The following GRID2 variants were observed in gnomAD, a reference collection of about 807,000 sequenced individuals.
GRID2 encodes glutamate receptor ionotropic, delta-2.
A neutral mutation model predicts 114.8 loss-of-function variants in GRID2; 33 were observed. That is an observed-to-expected ratio of 0.29 (90% confidence interval 0.22 to 0.38). The LOEUF (loss-of-function observed/expected upper bound fraction) is 0.38. Ranked by LOEUF, GRID2 falls within the 10% of genes least tolerant of loss-of-function variation. GRID2 has a pLI of 1.00. For missense variants in GRID2, 1,184 were observed against 1,257.7 expected (o/e 0.94, Z 0.89); for synonymous variants, 505 against 449.9 (o/e 1.12, Z -1.55).
chr4:93,447,575 T>C (rs1340267791), intron 10 of GRID2, among the ~76,000 whole-genome samples: 1 of 151,938 alleles, frequency 6.6e-6, no homozygotes, highest in African/African-American at 2.4e-5. Context: ...GCATGAATTA[T>C]TATCAAGGAA....
At chr4:92,700,907 T>C (rs1391488428) in intron 2 of GRID2, among the ~76,000 whole-genome samples, 2 of 148,922 alleles carry the variant, frequency 1.3e-5, no homozygotes, top group African/African-American at 2.5e-5. Context: ...GGCAGGAGAA[T>C]GGCGTGAACC....
At chr4:93,379,880 T>A (rs1378976000) in intron 8 of GRID2, among the ~76,000 whole-genome samples, 1 of 152,118 alleles carries the variant, frequency 6.6e-6, no homozygotes, top group African/African-American at 2.4e-5. Flanking sequence ...ACACAAAGCA[T>A]CAATTCTCCC....
Position 92,679,881 on chromosome 4 carries a change from T to C in GRID2, c.244+89595T>C, listed in dbSNP as rs926399390. 3.3e-5 allele frequency among the ~76,000 whole-genome samples: 5 copies of C among 151,800 alleles called. No homozygotes were observed. The East Asian group carries it at 9.7e-4, about 29-fold the overall frequency. On this transcript the variant is annotated intron_variant, in intron 2 of 15. Coordinates refer to ENST00000282020, the MANE Select transcript of GRID2 (RefSeq NM_001510.4). ...TGATTTCTTTCTTCTGATACGTAAT[T>C]GCAAGTGCTAAAACTTCCTAGATGT... is the stretch of plus-strand genomic sequence containing the variant.
chr4:93,595,907 G>A (rs1020270305), intron 13 of GRID2, among the ~76,000 whole-genome samples: 1 of 152,146 alleles, frequency 6.6e-6, no homozygotes, highest in Non-Finnish European at 1.5e-5. Context: ...GGCAGGCACT[G>A]TGCTAGATAT....
intron 2 of GRID2, among the ~76,000 whole-genome samples, chr4:93,043,837 A>G (rs1212855438): frequency 6.6e-6 from 1 of 152,090 alleles, no homozygotes; most frequent in East Asian, 1.9e-4. Flanking sequence ...TGGGTGCAGC[A>G]CACCAACATG....
intron 14 of GRID2, among the ~76,000 whole-genome samples, chr4:93,704,149 C>T (rs1037631281): frequency 6.6e-6 from 1 of 152,150 alleles, no homozygotes; most frequent in Non-Finnish European, 1.5e-5. Flanking sequence ...ACATCCTCTC[C>T]AGCACCTGTT....
intron 1 of GRID2, among the ~76,000 whole-genome samples, chr4:92,523,611 T>G (rs1724892418): frequency 6.6e-6 from 1 of 152,038 alleles, no homozygotes. Context: ...ATTTCAAAAA[T>G]AATATGATCC....
chr4:92,944,018 C>G (rs1416944095), intron 2 of GRID2, among the ~76,000 whole-genome samples: 1 of 152,174 alleles, frequency 6.6e-6, no homozygotes. Context: ...CCCAGTTAGG[C>G]TACTCAGGGG....
At chr4:93,366,801 G>A (rs1366499248) in intron 8 of GRID2, among the ~76,000 whole-genome samples, 1 of 151,928 alleles carries the variant, frequency 6.6e-6, no homozygotes, top group African/African-American at 2.4e-5. Context: ...GACGCTTAAG[G>A]AAAATAGAAA....
intron 2 of GRID2, among the ~76,000 whole-genome samples, chr4:92,859,374 C>T (rs775191948): frequency 1.3e-5 from 2 of 152,080 alleles, no homozygotes; most frequent in Admixed American, 6.5e-5. Context: ...TGTTTATATT[C>T]ACTGGGAAAC....
At chr4:92,701,677 A>G (rs1245019313) in intron 2 of GRID2, among the ~76,000 whole-genome samples, 1 of 152,196 alleles carries the variant, frequency 6.6e-6, no homozygotes, top group African/African-American at 2.4e-5. Context: ...TAAAGAATAA[A>G]AAAAGCCCTC....
At chr4:92,994,511 A>G (rs1034873222) in intron 2 of GRID2, among the ~76,000 whole-genome samples, 5 of 151,980 alleles carry the variant, frequency 3.3e-5, no homozygotes, top group African/African-American at 1.2e-4. Flanking sequence ...TTTAGTAGTG[A>G]TGGGATTTCA....
chr4:93,622,956 A>AT, intron 13 of GRID2, among the ~76,000 whole-genome samples: 1 of 152,264 alleles, frequency 6.6e-6, no homozygotes. Context: ...TCTTTAAAAA[A>AT]TTATATTTAA....
At chr4:92,599,514 T>C (rs752313269) in intron 2 of GRID2, among the ~76,000 whole-genome samples, 54 of 152,306 alleles carry the variant, frequency 3.5e-4, no homozygotes, top group Admixed American at 1.1e-3. Context: ...ATATTAACTT[T>C]AAAAACTCAG....
At chr4:93,180,189 A>G (rs1739753331) in intron 4 of GRID2, among the ~76,000 whole-genome samples, 1 of 152,046 alleles carries the variant, frequency 6.6e-6, no homozygotes, top group Non-Finnish European at 1.5e-5. Flanking sequence ...AAATACAGGC[A>G]TATTTTGGAG....
chr4:93,483,771 T>C (rs1008825340), intron 11 of GRID2, among the ~76,000 whole-genome samples: 30 of 152,086 alleles, frequency 2.0e-4, no homozygotes, highest in Middle Eastern at 3.4e-3. Flanking sequence ...AGAGGGGTCC[T>C]TTGGAAAATA....
chr4:92,829,755 A>T (rs527300167), intron 2 of GRID2, among the ~76,000 whole-genome samples: 1 of 152,176 alleles, frequency 6.6e-6, no homozygotes, highest in Non-Finnish European at 1.5e-5. Flanking sequence ...TGCAGGCATA[A>T]GAAAGAATGA....
intron 1 of GRID2, among the ~76,000 whole-genome samples, chr4:92,557,407 A>G (rs1421703611): frequency 6.6e-6 from 1 of 151,410 alleles, no homozygotes; most frequent in African/African-American, 2.4e-5. Context: ...AACAGGAAAT[A>G]AGAGATATTA....
chr4:93,364,621 C>T (rs1036480679), intron 8 of GRID2, among the ~76,000 whole-genome samples: 1 of 151,934 alleles, frequency 6.6e-6, no homozygotes, highest in Admixed American at 6.6e-5. Flanking sequence ...ACCACCCAGT[C>T]AAATGCCACC....
Sources: gnomAD v4.1 joint callset for allele counts (sites outside exome capture counted in the v4.1 genomes callset) on GRCh38, gnomAD v4.1.1 for gene constraint, MANE v1.5 for transcripts, NCBI Gene and HGNC (gene_info 2026-07-23, HGNC 2026-07-21) for gene names.